SIL1: variants seen among roughly 807,000 people sequenced by gnomAD.
SIL1 encodes SIL1 nucleotide exchange factor.
Under a neutral mutation model 49.1 loss-of-function variants are expected in SIL1, and 40 were observed. The ratio of observed to expected loss-of-function variants is 0.81; its 90% CI spans 0.63 to 1.06. SIL1 has a LOEUF of 1.06. Ranked by LOEUF, SIL1 falls within the 50% of genes least tolerant of loss-of-function variation. The pLI is 0.00. For synonymous variants in SIL1, 253 were observed against 250.8 expected, an observed-to-expected ratio of 1.01 and a Z score of -0.08; for missense variants, 500 against 572.6, an observed-to-expected ratio of 0.87 and a Z score of 1.29.
At chr5:139,140,040 G>T (rs1349379659) in intron 1 of SIL1, among the ~76,000 whole-genome samples, 1 of 152,174 alleles carries the variant, frequency 6.6e-6, no homozygotes, top group Non-Finnish European at 1.5e-5. Flanking sequence ...GGAGGCCGAG[G>T]CAGGTGGATC....
intron 7 of SIL1, among the ~76,000 whole-genome samples, chr5:138,977,916 C>T (rs1045273983): frequency 6.6e-6 from 1 of 152,158 alleles, no homozygotes; most frequent in South Asian, 2.1e-4. Flanking sequence ...AACCCTTGGC[C>T]TAATGTACAT....
intron 7 of SIL1, among the ~76,000 whole-genome samples, chr5:138,958,227 T>A (rs1383901464): frequency 6.6e-6 from 1 of 152,206 alleles, no homozygotes; most frequent in Non-Finnish European, 1.5e-5. Context: ...AGTGGTAGAA[T>A]GTTTCTCAGT....
chr5:139,045,301 T>G (rs958395794), intron 4 of SIL1, among the ~76,000 whole-genome samples: 1 of 152,164 alleles, frequency 6.6e-6, no homozygotes, highest in African/African-American at 2.4e-5. Context: ...TGAGCCATGA[T>G]TAGGCCACTG....
intron 3 of SIL1, among the ~76,000 whole-genome samples, chr5:139,051,637 T>C (rs750548591): frequency 2.6e-5 from 4 of 152,092 alleles, no homozygotes; most frequent in Non-Finnish European, 5.9e-5. Flanking sequence ...CACATAAAAG[T>C]GTGGCACTTA....
chr5:139,096,532 C>T lies in SIL1; in HGVS notation c.244+24503G>A, dbSNP rs115946923. Among the ~76,000 whole-genome samples the T allele has an allele frequency of 4.4e-3, 674 of 151,662 alleles. 4 individuals carry two copies. The highest frequency in any genetic ancestry group is 8.2e-3 in the Non-Finnish European group (556 of 67,942). On this transcript the variant is annotated intron_variant, in intron 3 of 9. Coordinates refer to ENST00000394817, the MANE Select transcript of SIL1 (RefSeq NM_022464.5). ...TAACCCTAGGCTGCACAACTCACAGCTCCAAAAGAGGCCCCTTCCTTCTGC... is the reference window on the plus strand; with the variant it reads ...TAACCCTAGGCTGCACAACTCACAGTTCCAAAAGAGGCCCCTTCCTTCTGC...
intron 3 of SIL1, among the ~76,000 whole-genome samples, chr5:139,090,012 T>G (rs62381237): frequency 0.076 from 11,591 of 152,164 alleles, 624 homozygotes; most frequent in Non-Finnish European, 0.11. Flanking sequence ...CTAGACCTCT[T>G]CTGGGTAGCA....
chr5:139,066,481 C>T (rs777711607), intron 3 of SIL1, among the ~76,000 whole-genome samples: 8 of 151,952 alleles, frequency 5.3e-5, no homozygotes, highest in Admixed American at 3.9e-4. Context: ...TTTTAATAGG[C>T]TAGCTTGAGC....
rs186314177 is a variant in SIL1 at position 139,172,413 on chromosome 5, C to A, written c.-11+25856G>T. 1.1e-3 allele frequency among the ~76,000 whole-genome samples: 168 copies of A among 152,102 alleles called. 1 individual carries two copies. The East Asian group carries it at 0.028, about 25-fold the overall frequency. On this transcript the variant is annotated intron_variant, in intron 1 of 9. Coordinates refer to ENST00000394817, the MANE Select transcript of SIL1 (RefSeq NM_022464.5). ...CTTTGGGAGGCTGAGGCAGGCAAAT[C>A]ATGAGGTCAGGAGTTCGAGACCAGC...
chr5:139,131,613 T>C (rs1022046105), intron 1 of SIL1: 1 of 152,230 alleles, frequency 6.6e-6, no homozygotes, highest in African/African-American at 2.4e-5. Flanking sequence ...CCCTCTTTTT[T>C]TGCCGACAAA....
chr5:139,068,381 G>A (rs1311326150), intron 3 of SIL1, among the ~76,000 whole-genome samples: 3 of 152,148 alleles, frequency 2.0e-5, no homozygotes, highest in Non-Finnish European at 4.4e-5. Context: ...TCTGGGGTAG[G>A]ACTTCAAGGG....
At chr5:139,086,687 G>A (rs1201658083) in intron 3 of SIL1, among the ~76,000 whole-genome samples, 5 of 151,744 alleles carry the variant, frequency 3.3e-5, no homozygotes, top group South Asian at 2.1e-4. Context: ...ATTATTGGCC[G>A]GGCATGGTGG....
At chr5:139,034,629 TTCC>T (rs1437890740) in intron 5 of SIL1, among the ~76,000 whole-genome samples, 1 of 152,230 alleles carries the variant, frequency 6.6e-6, no homozygotes, top group Non-Finnish European at 1.5e-5. Context: ...TAATCCTTTC[TTCC>T]TCCTAATTGT....
chr5:139,130,856 A>G (rs1195940192), intron 1 of SIL1, among the ~76,000 whole-genome samples: 1 of 152,230 alleles, frequency 6.6e-6, no homozygotes, highest in African/African-American at 2.4e-5. Context: ...TCCCAAGTGA[A>G]ATAAGTCAGA....
At chr5:139,190,962 T>C (rs945234652) in intron 1 of SIL1, among the ~76,000 whole-genome samples, 43 of 152,156 alleles carry the variant, frequency 2.8e-4, no homozygotes, top group Non-Finnish European at 5.4e-4. Context: ...CCAGAGACAG[T>C]GGCTCACACC....
chr5:139,031,604 T>C (rs1436500771), intron 5 of SIL1, among the ~76,000 whole-genome samples: 1 of 152,190 alleles, frequency 6.6e-6, no homozygotes, highest in Non-Finnish European at 1.5e-5. Flanking sequence ...TCCTTCAACT[T>C]TCCATACAAA....
chr5:139,129,931 T>C (rs972174045), intron 1 of SIL1, among the ~76,000 whole-genome samples: 1 of 152,128 alleles, frequency 6.6e-6, no homozygotes, highest in Non-Finnish European at 1.5e-5. Flanking sequence ...TATCAAATAG[T>C]GAAAAGACAG....
intron 3 of SIL1, among the ~76,000 whole-genome samples, chr5:139,066,333 T>TC (rs1312564153): frequency 6.6e-6 from 1 of 152,028 alleles, no homozygotes; most frequent in Non-Finnish European, 1.5e-5. Context: ...GCCATCTCTT[T>TC]CCTTGCTTTT....
At chr5:139,116,980 A>G (rs1460747538) in intron 3 of SIL1, among the ~76,000 whole-genome samples, 3 of 152,240 alleles carry the variant, frequency 2.0e-5, no homozygotes, top group Non-Finnish European at 4.4e-5. Flanking sequence ...AAGGCCACAC[A>G]GCTCAAAGAG....
At chr5:139,087,374 G>C (rs1055639315) in intron 3 of SIL1, among the ~76,000 whole-genome samples, 1 of 152,132 alleles carries the variant, frequency 6.6e-6, no homozygotes, top group Non-Finnish European at 1.5e-5. Flanking sequence ...GTGGGGAAGA[G>C]TGAGGCCACA....
Sources: allele counts gnomAD v4.1 joint callset (sites outside exome capture counted in the v4.1 genomes callset), GRCh38; gene constraint gnomAD v4.1.1; transcripts MANE v1.5; gene names NCBI Gene and HGNC (gene_info 2026-07-23, HGNC 2026-07-21).